PDPK1: variants seen among roughly 807,000 people sequenced by gnomAD.
PDPK1 encodes the protein 3-phosphoinositide-dependent protein kinase 1.
In PDPK1, 7 loss-of-function variants were observed where a neutral mutation model predicts 39.8. The ratio of observed to expected loss-of-function variants is 0.18; its 90% CI spans 0.10 to 0.33. PDPK1 has a LOEUF of 0.33. Ranked by LOEUF, PDPK1 falls within the 10% of genes least tolerant of loss-of-function variation. The pLI is 1.00. For synonymous variants in PDPK1, 118 were observed against 159.1 expected, an observed-to-expected ratio of 0.74 and a Z score of 1.95; for missense variants, 182 against 384.7, an observed-to-expected ratio of 0.47 and a Z score of 4.41.
At chr16:2,595,989 C>T (rs199898028) in intron 12 of PDPK1, 139 bp downstream of exon 12, 119 of 761,704 alleles carry the variant, frequency 1.6e-4, no homozygotes, top group Non-Finnish European at 2.2e-4. Flanking sequence ...TTTCATAGCT[C>T]GGGAAGGCTT....
rs544638859 is a variant in PDPK1, at chr16:2,540,581, C to A, written c.24+2445C>A. Among the ~76,000 whole-genome samples the A allele has an allele frequency of 7.2e-5, 11 of 152,260 alleles. No individual in the cohort carries two copies. In the Middle Eastern group the frequency reaches 0.01, roughly 141 times the overall value. ...AGTGCCACTGCCCAGGATGTCTTCC[C>A]AGGGATTGGGCCTGAATGTCTTGAC... On this transcript the variant is annotated intron_variant, in intron 1 of 13. Coordinates refer to ENST00000342085, the MANE Select transcript of PDPK1 (RefSeq NM_002613.5).
Position 2,597,930 on chromosome 16 carries a change from A to C in PDPK1, c.*163A>C. On this transcript the variant is annotated 3_prime_UTR_variant, in exon 14 of 14. Coordinates refer to ENST00000342085, the MANE Select transcript of PDPK1 (RefSeq NM_002613.5). The surrounding 1 kb of genome is among the most constrained non-coding windows in gnomAD (Gnocchi z 6.3). Reference sequence around the variant, plus strand: ...TTTAAAAGAAAAGAAGAAAAAAAACACCCAACCACACAAAGAACAAAACCA... The same window carrying C: ...TTTAAAAGAAAAGAAGAAAAAAAACCCCCAACCACACAAAGAACAAAACCA... 1.7e-6 allele frequency: 1 copy of C among 590,806 alleles called. No individual in the cohort carries two copies. The highest frequency in any genetic ancestry group is 3.0e-6 in the Non-Finnish European group (1 of 332,820). The allele number at this position is 590,806 out of a possible 1,614,324, so 36.6% of individuals were successfully genotyped here.
Position 2,554,213 on chromosome 16 carries a change from CT to C in PDPK1, c.25-3489del, listed in dbSNP as rs986967869. The stretch of plus-strand genomic sequence containing the variant: ...TAAAACACACCCATGGTAGCAAGTT[CT>C]GATGGGTCTGAAGAGGAGGCAGGAG... On this transcript the variant is annotated intron_variant, in intron 1 of 13. Transcript: ENST00000342085. 3.3e-5 allele frequency: 5 copies of C among 149,608 alleles called. 1 individual carries two copies. The highest frequency in any genetic ancestry group is 1.3e-4 in the African/African-American group (5 of 39,776). 9.3% of individuals were successfully genotyped at this position (149,608 alleles called of 1,614,324 possible).
Position 2,597,100 on chromosome 16 carries a change from G to C in PDPK1, c.1402-23G>C. The C allele has an allele frequency of 6.5e-7, 1 of 1,539,934 alleles. No homozygotes were observed. On this transcript the variant is annotated intron_variant, in intron 12 of 13. Transcript: ENST00000342085. The surrounding 1 kb of genome is among the most constrained non-coding windows in gnomAD (Gnocchi z 6.3). ...CCGTCAGCACTGGCCTCTGAGGCCT[G>C]TTGTTTTGTGTTTTGGCGTCAGGGT...
chr16:2,553,287 A>C (rs1166156125), intron 1 of PDPK1, among the ~76,000 whole-genome samples: 3 of 125,644 alleles, frequency 2.4e-5, no homozygotes, highest in Non-Finnish European at 3.2e-5. Context: ...TGATCCTCCC[A>C]CCTCAGCTGG....
rs1451344513 is a variant in PDPK1, at chr16:2,602,831, T to C, written c.*5064T>C. The stretch of plus-strand genomic sequence containing the variant: ...TGCAATGATACTAGGATATACACTT[T>C]TGTATTTTTATTCTTATATAAGGTT... On this transcript the variant is annotated 3_prime_UTR_variant, in exon 14 of 14. Coordinates refer to ENST00000342085, the MANE Select transcript of PDPK1 (RefSeq NM_002613.5). 2 of 233,966 alleles carry C rather than the reference T, an allele frequency of 8.5e-6. No individual in the cohort carries two copies. The highest frequency in any genetic ancestry group is 1.7e-5 in the Non-Finnish European group (2 of 117,762). 14.5% of individuals were successfully genotyped at this position (233,966 alleles called of 1,614,324 possible).
chr16:2,594,755 C>T (rs528212058), intron 11 of PDPK1, among the ~76,000 whole-genome samples: 75 of 151,886 alleles, frequency 4.9e-4, no homozygotes, highest in African/African-American at 1.6e-3. Flanking sequence ...CCGAGGCAGG[C>T]GGATCACTTG....
chr16:2,591,064 G>T (rs1356367370), intron 11 of PDPK1, among the ~76,000 whole-genome samples: 3 of 151,316 alleles, frequency 2.0e-5, no homozygotes, highest in Non-Finnish European at 4.4e-5. Flanking sequence ...CCAGGTTCAA[G>T]CATTTCTCCT....
At chr16:2,596,020 T>C (rs978685862) in intron 12 of PDPK1, among the ~76,000 whole-genome samples, 170 bp downstream of exon 12, 2 of 152,208 alleles carry the variant, frequency 1.3e-5, no homozygotes, top group Non-Finnish European at 2.9e-5. Context: ...AGAGAAGCCA[T>C]GTGGAGCCAC....
chr16:2,586,865 T>C lies in PDPK1; in HGVS notation c.1315T>C (p.Leu439=), dbSNP rs756358328. 2.1e-5 allele frequency: 34 copies of C among 1,614,086 alleles called. No homozygotes were observed. Among genetic ancestry groups the C allele is most frequent in the Non-Finnish European group, 2.4e-5 (28 of 1,180,028 alleles). Residue 439 remains leucine, a synonymous_variant, in exon 11 of 14, where the codon TTG becomes CTG. Coordinates refer to ENST00000342085, the MANE Select transcript of PDPK1 (RefSeq NM_002613.5). ...QFSEDEKRLL[L]EKQAGGNPWH... ...TTCCGAAGATGAGAAGAGGTTGTTG[T>C]TGGAGAAGCAGGCTGGCGGAAACCC...
intron 1 of PDPK1, among the ~76,000 whole-genome samples, chr16:2,552,949 C>T (rs2066442865): frequency 7.1e-6 from 1 of 140,092 alleles, no homozygotes; most frequent in Non-Finnish European, 1.5e-5. Flanking sequence ...AGGCCTTGGT[C>T]ATGAGGAAGG....
chr16:2,595,232 G>T (rs757213827), intron 11 of PDPK1, among the ~76,000 whole-genome samples: 1 of 152,102 alleles, frequency 6.6e-6, no homozygotes, highest in Non-Finnish European at 1.5e-5. Context: ...AATTTCTGCC[G>T]TCTCTGAATA....
Position 2,585,016 on chromosome 16 carries a change from G to T in PDPK1, c.1125+1431G>T, listed in dbSNP as rs116678176. 3.5e-3 allele frequency among the ~76,000 whole-genome samples: 534 copies of T among 152,292 alleles called. 3 individuals are homozygous for T. The highest frequency in any genetic ancestry group is 0.012 in the African/African-American group (491 of 41,578). Reference sequence around the variant, plus strand: ...CAGAGGTTTTGCTCGCGACTGGCTGGTGGCCGTTCTCCCGTGGGCTCTGTG... The same window carrying T: ...CAGAGGTTTTGCTCGCGACTGGCTGTTGGCCGTTCTCCCGTGGGCTCTGTG... On this transcript the variant is annotated intron_variant, in intron 10 of 13. Coordinates refer to ENST00000342085, the MANE Select transcript of PDPK1 (RefSeq NM_002613.5).
intron 10 of PDPK1, among the ~76,000 whole-genome samples, chr16:2,584,892 C>A (rs1367492588): frequency 6.6e-6 from 1 of 152,224 alleles, no homozygotes; most frequent in Admixed American, 6.5e-5. Flanking sequence ...CCCTTGCCCC[C>A]ACCCTGTGTG....
chr16:2,589,579 T>C (rs1001150069), intron 11 of PDPK1, among the ~76,000 whole-genome samples: 1 of 151,838 alleles, frequency 6.6e-6, no homozygotes, highest in African/African-American at 2.4e-5. Context: ...TCCTAGCTGC[T>C]TGGGGAGGTT....
In PDPK1 at chr16:2,598,883, G is replaced by A. The variant is rs1412208868; in HGVS notation, c.*1116G>A. On this transcript the variant is annotated 3_prime_UTR_variant, in exon 14 of 14. Transcript: ENST00000342085. Reference sequence around the variant, plus strand: ...GGTTCAAGTTTCTCAGAGCCCCTCAGAGCTTCTACATCTGTGCATCAGAAA... The same window carrying A: ...GGTTCAAGTTTCTCAGAGCCCCTCAAAGCTTCTACATCTGTGCATCAGAAA... 4.3e-6 allele frequency: 1 copy of A among 233,296 alleles called. No individual in the cohort carries two copies. Among genetic ancestry groups the A allele is most frequent in the Non-Finnish European group, 8.5e-6 (1 of 118,132 alleles). 14.5% of individuals were successfully genotyped at this position (233,296 alleles called of 1,614,324 possible).
Position 2,587,024 on chromosome 16 carries a change from C to T in PDPK1, c.1343+131C>T, listed in dbSNP as rs553922799. 30 of 784,596 alleles carry T rather than the reference C, an allele frequency of 3.8e-5. 1 individual carries two copies. The highest frequency in any genetic ancestry group is 2.0e-4 in the South Asian group (13 of 64,064). The allele number at this position is 784,596 out of a possible 1,614,324, so 48.6% of individuals were successfully genotyped here. On this transcript the variant is annotated intron_variant, in intron 11 of 13. Coordinates refer to ENST00000342085, the MANE Select transcript of PDPK1 (RefSeq NM_002613.5). Reference sequence around the variant, plus strand: ...TTGGACGCTTGGCCAAGGAGCACATCGTAAGTGCACAGTTGGAAACAGGTG... The same window carrying T: ...TTGGACGCTTGGCCAAGGAGCACATTGTAAGTGCACAGTTGGAAACAGGTG...
chr16:2,595,197 G>A lies in PDPK1; in HGVS notation c.1344-596G>A, dbSNP rs200843068. On this transcript the variant is annotated intron_variant, in intron 11 of 13. Transcript: ENST00000342085. ...TGCTAATAATGTATATTAAATTAAA[G>A]CCTCTATGTGAATCTTGCTCTTTGA... Among the ~76,000 whole-genome samples, 27 of 152,320 alleles carry A rather than the reference G, an allele frequency of 1.8e-4. No individual in the cohort carries two copies. The East Asian group carries it at 4.6e-3, about 26-fold the overall frequency.
intron 1 of PDPK1, among the ~76,000 whole-genome samples, chr16:2,547,431 T>C (rs2066371867): frequency 9.2e-6 from 1 of 108,434 alleles, no homozygotes; most frequent in Non-Finnish European, 1.8e-5. Flanking sequence ...CATTTGTCTT[T>C]CATGGCTTTT....
Sources: allele counts gnomAD v4.1 joint callset (sites outside exome capture counted in the v4.1 genomes callset), GRCh38; gene constraint gnomAD v4.1.1; non-coding constraint Gnocchi (gnomAD v3.1); transcripts MANE v1.5; gene names NCBI Gene and HGNC (gene_info 2026-07-23, HGNC 2026-07-21).